GALNTL6: variants seen among roughly 807,000 people sequenced by gnomAD.
The protein encoded by GALNTL6 is polypeptide N-acetylgalactosaminyltransferase like 6.
A neutral mutation model predicts 73.7 loss-of-function variants in GALNTL6; 46 were observed. The ratio of observed to expected loss-of-function variants is 0.62; its 90% CI spans 0.49 to 0.80. GALNTL6 has a LOEUF of 0.80. Ranked by LOEUF, GALNTL6 falls within the 30% of genes least tolerant of loss-of-function variation. GALNTL6 has a pLI of 0.00. For synonymous variants in GALNTL6, 259 were observed against 263.7 expected (o/e 0.98, Z 0.17); for missense variants, 604 against 755.0 (o/e 0.80, Z 2.34).
rs550561171 is a variant in GALNTL6 at position 171,851,614 on chromosome 4, TCA to T, written c.138+36898_138+36899del. Among the ~76,000 whole-genome samples, 43 of 152,318 alleles carry T rather than the reference TCA, an allele frequency of 2.8e-4. No individual in the cohort carries two copies. In the East Asian group the frequency reaches 7.1e-3, roughly 25 times the overall value. ...CTATTAGAAGCTGCTGTCCTATTCT[TCA>T]CTTCCTACAGATTTCTTTAGAATTA... On this transcript the variant is annotated intron_variant, in intron 2 of 12. Transcript: ENST00000506823.
chr4:172,430,046 C>T (rs532827387), intron 5 of GALNTL6, among the ~76,000 whole-genome samples: 2 of 151,252 alleles, frequency 1.3e-5, no homozygotes, highest in East Asian at 1.9e-4. Flanking sequence ...AGTATGAATG[C>T]GATTTTCTTG....
intron 9 of GALNTL6, among the ~76,000 whole-genome samples, chr4:172,940,882 A>G (rs1748887305): frequency 6.6e-6 from 1 of 152,046 alleles, no homozygotes; most frequent in East Asian, 1.9e-4. Context: ...TATGTTGCTA[A>G]GGCTGGTCTC....
At chr4:172,825,485 G>T (rs1742213499) in intron 7 of GALNTL6, among the ~76,000 whole-genome samples, 1 of 152,110 alleles carries the variant, frequency 6.6e-6, no homozygotes, top group African/African-American at 2.4e-5. Flanking sequence ...TTTTCTATCA[G>T]TGGGAACTAG....
intron 5 of GALNTL6, among the ~76,000 whole-genome samples, chr4:172,595,114 A>G (rs1737804326): frequency 6.6e-6 from 1 of 152,192 alleles, no homozygotes; most frequent in Non-Finnish European, 1.5e-5. Context: ...TTTCACCTCC[A>G]TGATCTAATT....
intron 5 of GALNTL6, among the ~76,000 whole-genome samples, chr4:172,370,252 T>A (rs1373640797): frequency 6.6e-6 from 1 of 152,106 alleles, no homozygotes; most frequent in Non-Finnish European, 1.5e-5. Context: ...CTTCTGTATG[T>A]AGCTTGATGG....
At chr4:172,533,620 C>A (rs338039) in intron 5 of GALNTL6, among the ~76,000 whole-genome samples, 2 of 152,072 alleles carry the variant, frequency 1.3e-5, no homozygotes, top group Non-Finnish European at 2.9e-5. Flanking sequence ...ACCACACTCG[C>A]CAGTAATAAA....
At chr4:172,485,586 T>C (rs1733636784) in intron 5 of GALNTL6, among the ~76,000 whole-genome samples, 1 of 152,140 alleles carries the variant, frequency 6.6e-6, no homozygotes, top group Non-Finnish European at 1.5e-5. Flanking sequence ...AAATTAGTTT[T>C]TAATTAATTA....
chr4:172,592,714 A>ATCTAGCTATCTG (rs1195273267), intron 5 of GALNTL6, among the ~76,000 whole-genome samples: 7 of 151,848 alleles, frequency 4.6e-5, no homozygotes, highest in Non-Finnish European at 1.0e-4. Flanking sequence ...CTATCTATCT[A>ATCTAGCTATCTG]TCGAGAGAGA....
At chr4:172,569,845 G>A (rs898410450) in intron 5 of GALNTL6, among the ~76,000 whole-genome samples, 8 of 152,292 alleles carry the variant, frequency 5.3e-5, no homozygotes, top group Admixed American at 1.3e-4. Context: ...ACTGGGAGCC[G>A]AGGATATGCG....
intron 5 of GALNTL6, among the ~76,000 whole-genome samples, chr4:172,637,457 A>G (rs572258868): frequency 1.3e-5 from 2 of 152,210 alleles, no homozygotes; most frequent in East Asian, 1.9e-4. Flanking sequence ...GAAATCAGAC[A>G]GAATTGCTGT....
At chr4:172,002,679 A>G (rs142883405) in intron 2 of GALNTL6, among the ~76,000 whole-genome samples, 139 of 152,272 alleles carry the variant, frequency 9.1e-4, no homozygotes, top group African/African-American at 3.2e-3. Flanking sequence ...AAATCCCCTT[A>G]GAAAAAGTGA....
At chr4:172,686,120 A>C (rs1732903684) in intron 5 of GALNTL6, among the ~76,000 whole-genome samples, 2 of 152,192 alleles carry the variant, frequency 1.3e-5, no homozygotes, top group African/African-American at 4.8e-5. Context: ...TGTCCTCCTC[A>C]TGCAGAAAGC....
chr4:172,446,864 T>C (rs1445010144), intron 5 of GALNTL6, among the ~76,000 whole-genome samples: 9 of 152,172 alleles, frequency 5.9e-5, no homozygotes, highest in Admixed American at 5.2e-4. Context: ...CTGTGGATGA[T>C]ATACTCTGTG....
chr4:172,153,700 A>G (rs1396919965), intron 2 of GALNTL6, among the ~76,000 whole-genome samples: 1 of 152,240 alleles, frequency 6.6e-6, no homozygotes, highest in Non-Finnish European at 1.5e-5. Flanking sequence ...CAGACCATAC[A>G]GGCTGATACA....
chr4:171,965,647 C>T lies in GALNTL6; in HGVS notation c.138+150929C>T, dbSNP rs753255278. ...CTCCAGCCTGGGCGACAGAGCGAGA[C>T]TCCGTCTCAGAAAAAAAAAAAAAAA... is the stretch of plus-strand genomic sequence containing the variant. On this transcript the variant is annotated intron_variant, in intron 2 of 12. Coordinates refer to ENST00000506823, the MANE Select transcript of GALNTL6 (RefSeq NM_001034845.3). 2.3e-3 allele frequency among the ~76,000 whole-genome samples: 246 copies of T among 105,616 alleles called. 1 individual carries two copies. The highest frequency in any genetic ancestry group is 0.017 in the Middle Eastern group (2 of 120). 69.3% of individuals were successfully genotyped at this position (105,616 alleles called of 152,430 possible). A position where few individuals can be genotyped will look rare whatever the true frequency, so the allele number is the denominator to read the frequency against.
At chr4:172,836,730 C>T (rs901587178) in intron 7 of GALNTL6, among the ~76,000 whole-genome samples, 6 of 152,322 alleles carry the variant, frequency 3.9e-5, no homozygotes, top group Admixed American at 6.5e-5. Flanking sequence ...TGTCTCATGC[C>T]ATTAGCCTTG....
chr4:171,926,714 A>G (rs1737994817), intron 2 of GALNTL6, among the ~76,000 whole-genome samples: 1 of 152,146 alleles, frequency 6.6e-6, no homozygotes. Context: ...ACAGTACTCC[A>G]AACATTATTT....
rs1273641511 is a variant in GALNTL6, at chr4:172,495,492, C to T, written c.553+146803C>T. ...ACCAAATTCTCTCCTGTCCTCTCTC[C>T]CCTCTGCTGTGTCTTTTGGCCCTTG... On this transcript the variant is annotated intron_variant, in intron 5 of 12. Transcript: ENST00000506823. 2.6e-5 allele frequency among the ~76,000 whole-genome samples: 4 copies of T among 152,258 alleles called. No homozygotes were observed. The East Asian group carries it at 7.7e-4, about 29-fold the overall frequency.
chr4:172,170,362 G>C (rs1560951854), intron 2 of GALNTL6, among the ~76,000 whole-genome samples: 1 of 152,044 alleles, frequency 6.6e-6, no homozygotes, highest in Non-Finnish European at 1.5e-5. Flanking sequence ...TCTCTCTCCT[G>C]CCACCTTGTG....
Sources: gnomAD v4.1 joint callset for allele counts (sites outside exome capture counted in the v4.1 genomes callset) on GRCh38, gnomAD v4.1.1 for gene constraint, MANE v1.5 for transcripts, NCBI Gene and HGNC (gene_info 2026-07-23, HGNC 2026-07-21) for gene names.